The following SUPT3H variants were observed in gnomAD, a reference collection of about 807,000 sequenced individuals.
The protein encoded by SUPT3H is SPT3 homolog, SAGA and STAGA complex component, also known as transcription initiation protein SPT3 homolog.
Under a neutral mutation model 44.3 loss-of-function variants are expected in SUPT3H, and 44 were observed. The ratio of observed to expected loss-of-function variants is 0.99; its 90% CI spans 0.78 to 1.28. SUPT3H has a LOEUF of 1.28. Among genes scored for constraint, SUPT3H ranks in the 50% most tolerant of loss-of-function variants. The probability of loss-of-function intolerance (pLI) is 0.00; values close to 1 mark genes in which losing one functional copy is unlikely to be tolerated. For missense variants in SUPT3H, 380 were observed against 387.1 expected, an observed-to-expected ratio of 0.98 and a Z score of 0.15; for synonymous variants, 124 against 125.6, an observed-to-expected ratio of 0.99 and a Z score of 0.09.
At chr6:44,915,836 T>C (rs145335062) in intron 10 of SUPT3H, among the ~76,000 whole-genome samples, 85 of 152,264 alleles carry the variant, frequency 5.6e-4, no homozygotes, top group African/African-American at 2.0e-3. Flanking sequence ...CCAATAAATG[T>C]ACTTGATTGA....
chr6:44,850,107 T>C (rs1772618503), intron 10 of SUPT3H, among the ~76,000 whole-genome samples: 1 of 152,202 alleles, frequency 6.6e-6, no homozygotes, highest in Non-Finnish European at 1.5e-5. Flanking sequence ...AACAAAATGC[T>C]AGTTAATGGT....
intron 10 of SUPT3H, among the ~76,000 whole-genome samples, chr6:44,908,873 T>C (rs1766548523): frequency 6.6e-6 from 1 of 152,182 alleles, no homozygotes; most frequent in African/African-American, 2.4e-5. Context: ...GTCTCTAAAA[T>C]TTTAATAAAT....
downstream of SUPT3H, among the ~76,000 whole-genome samples, chr6:44,825,583 G>A (rs1767680358): frequency 6.6e-6 from 1 of 152,152 alleles, no homozygotes; most frequent in South Asian, 2.1e-4. Flanking sequence ...TGGGCAACAG[G>A]GCATATCTGG....
chr6:44,836,188 A>T (rs1234236400), intron 10 of SUPT3H, among the ~76,000 whole-genome samples: 1 of 152,160 alleles, frequency 6.6e-6, no homozygotes, highest in Non-Finnish European at 1.5e-5. Context: ...AGCAAACATA[A>T]ATACAAATAG....
At position 44,911,704 on chromosome 6, in the gene SUPT3H, C is replaced by T. The variant is rs74563884; in HGVS notation, c.912+20949G>A. Among the ~76,000 whole-genome samples, 944 of 152,226 alleles carry T rather than the reference C, an allele frequency of 6.2e-3. 9 individuals carry two copies. Among genetic ancestry groups the T allele is most frequent in the South Asian group, 0.023 (112 of 4,828 alleles). Reference sequence around the variant, plus strand: ...AATATAAGGAATGACTATTACAGTTCATGCACTTTACATCTAGGCCTAAAT... The same window carrying T: ...AATATAAGGAATGACTATTACAGTTTATGCACTTTACATCTAGGCCTAAAT... On this transcript the variant is annotated intron_variant, in intron 10 of 10. Transcript: ENST00000371459.
chr6:44,870,510 G>A (rs1382957558), intron 10 of SUPT3H, among the ~76,000 whole-genome samples: 2 of 150,560 alleles, frequency 1.3e-5, no homozygotes, highest in African/African-American at 4.9e-5. Flanking sequence ...GAGGTGAGAT[G>A]AGCACTTGAG....
chr6:45,310,241 A>C (rs982287661), intron 2 of SUPT3H, among the ~76,000 whole-genome samples: 1 of 152,090 alleles, frequency 6.6e-6, no homozygotes, highest in South Asian at 2.1e-4. Flanking sequence ...GTGACCTGGG[A>C]ATCTCACCCC....
chr6:45,292,254 T>C (rs1780430472), intron 2 of SUPT3H, among the ~76,000 whole-genome samples: 1 of 152,072 alleles, frequency 6.6e-6, no homozygotes, highest in South Asian at 2.1e-4. Flanking sequence ...AATTCGCCAC[T>C]ACCAAGCCAC....
At chr6:45,176,064 G>A (rs1459270882) in intron 2 of SUPT3H, among the ~76,000 whole-genome samples, 2 of 152,124 alleles carry the variant, frequency 1.3e-5, no homozygotes, top group African/African-American at 2.4e-5. Context: ...ATATCTTGGG[G>A]GGAGGAGCCA....
At chr6:45,271,130 G>A (rs866025222) in intron 2 of SUPT3H, among the ~76,000 whole-genome samples, 4 of 152,168 alleles carry the variant, frequency 2.6e-5, no homozygotes, top group Non-Finnish European at 5.9e-5. Flanking sequence ...TAAAAGTTTG[G>A]AAAATGTGCA....
chr6:45,214,850 G>A (rs1764772696), intron 2 of SUPT3H, among the ~76,000 whole-genome samples: 2 of 152,054 alleles, frequency 1.3e-5, no homozygotes, highest in Admixed American at 1.3e-4. Flanking sequence ...ATTAATACTG[G>A]AGCCAAGACC....
At chr6:45,296,694 G>A (rs968460321) in intron 2 of SUPT3H, among the ~76,000 whole-genome samples, 7 of 129,994 alleles carry the variant, frequency 5.4e-5, no homozygotes, top group Admixed American at 9.5e-5. Context: ...AGCTGAGATC[G>A]TGCCACTGCA....
At chr6:45,286,084 C>G (rs1321639400) in intron 2 of SUPT3H, among the ~76,000 whole-genome samples, 1 of 149,954 alleles carries the variant, frequency 6.7e-6, no homozygotes, top group Non-Finnish European at 1.5e-5. Flanking sequence ...ACACCTTATA[C>G]AAAAATTAAT....
intron 2 of SUPT3H, among the ~76,000 whole-genome samples, chr6:45,272,342 G>A (rs1256839784): frequency 6.6e-6 from 1 of 152,096 alleles, no homozygotes; most frequent in Non-Finnish European, 1.5e-5. Flanking sequence ...AATCATGGGG[G>A]CAGGTTTTTC....
intron 3 of SUPT3H, among the ~76,000 whole-genome samples, chr6:45,090,944 C>T (rs1342298776): frequency 6.6e-6 from 1 of 151,806 alleles, no homozygotes; most frequent in African/African-American, 2.4e-5. Context: ...CTTTAGTGCT[C>T]AAGGAAAAAG....
intron 2 of SUPT3H, among the ~76,000 whole-genome samples, chr6:45,142,736 CAAAAA>C (rs70993502): frequency 5.3e-4 from 8 of 14,968 alleles, no homozygotes; most frequent in Non-Finnish European, 9.0e-4. Flanking sequence ...AACTCCGTCT[CAAAAA>C]AAAAAAAAAA....
chr6:45,131,889 C>T (rs972139575), intron 2 of SUPT3H, among the ~76,000 whole-genome samples: 2 of 152,078 alleles, frequency 1.3e-5, no homozygotes, highest in Non-Finnish European at 2.9e-5. Context: ...ATGGGAAATA[C>T]GTTTTGAGAT....
rs79055799 is a variant in SUPT3H, at chr6:45,147,632, T to C, written c.102-41626A>G. On this transcript the variant is annotated intron_variant, in intron 2 of 10. Coordinates refer to ENST00000371459, the MANE Select transcript of SUPT3H (RefSeq NM_003599.4). Reference sequence around the variant, plus strand: ...AACAGCACAGACAAGAATTAGATCATCTAGGATGGCTTCAGTGCCTGGTGT... The same window carrying C: ...AACAGCACAGACAAGAATTAGATCACCTAGGATGGCTTCAGTGCCTGGTGT... Among the ~76,000 whole-genome samples, 461 of 152,062 alleles carry C rather than the reference T, an allele frequency of 3.0e-3. 28 individuals carry two copies. The East Asian group carries it at 0.082, about 27-fold the overall frequency.
intron 2 of SUPT3H, among the ~76,000 whole-genome samples, chr6:45,331,750 T>C (rs1391243598): frequency 6.6e-6 from 1 of 151,974 alleles, no homozygotes; most frequent in African/African-American, 2.4e-5. Flanking sequence ...TCAATCCGTC[T>C]CTATATCACA....
Sources: allele counts gnomAD v4.1 joint callset (sites outside exome capture counted in the v4.1 genomes callset), GRCh38; gene constraint gnomAD v4.1.1; transcripts MANE v1.5; gene names NCBI Gene and HGNC (gene_info 2026-07-23, HGNC 2026-07-21).